The following RABL3 variants were observed in gnomAD, a reference collection of about 807,000 sequenced individuals.
RABL3 encodes RAB, member of RAS oncogene family like 3.
In RABL3, 31 loss-of-function variants were observed where a neutral mutation model predicts 31.8. That is an observed-to-expected ratio of 0.97 (90% CI 0.73 to 1.31). RABL3 has a LOEUF of 1.31. Among genes scored for constraint, RABL3 ranks in the 40% most tolerant of loss-of-function variants. The pLI is 0.00. For synonymous variants in RABL3, 97 were observed against 99.9 expected (o/e 0.97, Z 0.18); for missense variants, 263 against 279.6 (o/e 0.94, Z 0.42).
chr3:120,711,300 G>T (rs1357093529), intron 2 of RABL3, among the ~76,000 whole-genome samples: 6 of 152,016 alleles, frequency 3.9e-5, no homozygotes, highest in Admixed American at 3.9e-4. Context: ...ACTGATCCTT[G>T]ACTCCTTTCA....
Position 120,689,802 on chromosome 3 carries a change from C to A in RABL3, c.*21G>T, listed in dbSNP as rs927068052. On this transcript the variant is annotated 3_prime_UTR_variant, in exon 8 of 8. Transcript: ENST00000273375. ...GAAAAACTGCCACTGCTTGCTCACT[C>A]TTCCAAAGGATGAGTGTAATTCAGT... 2 of 1,577,480 alleles carry A rather than the reference C, an allele frequency of 1.3e-6. No homozygotes were observed. The highest frequency in any genetic ancestry group is 1.7e-6 in the Non-Finnish European group (2 of 1,147,666).
At chr3:120,715,442 G>T (rs953118722) in intron 2 of RABL3, among the ~76,000 whole-genome samples, 1 of 152,104 alleles carries the variant, frequency 6.6e-6, no homozygotes, top group Admixed American at 6.6e-5. Context: ...GGAGGCTGAG[G>T]CACAAGAATT....
intron 5 of RABL3, 31 bp downstream of exon 5, chr3:120,698,392 A>T: frequency 6.3e-7 from 1 of 1,588,158 alleles, no homozygotes; most frequent in East Asian, 2.2e-5. Context: ...ACCCGATAAT[A>T]ATACAAGCAT....
At chr3:120,701,480 T>C (rs1708490605) in intron 4 of RABL3, among the ~76,000 whole-genome samples, 1 of 152,184 alleles carries the variant, frequency 6.6e-6, no homozygotes, top group African/African-American at 2.4e-5. Flanking sequence ...CTGACAAAAA[T>C]GCAGATTTCT....
chr3:120,719,266 G>A (rs951291307), intron 2 of RABL3, among the ~76,000 whole-genome samples: 1 of 152,218 alleles, frequency 6.6e-6, no homozygotes, highest in African/African-American at 2.4e-5. Context: ...ACAGCTCCCA[G>A]CGTGAGCGAC....
intron 2 of RABL3, among the ~76,000 whole-genome samples, chr3:120,715,793 C>T (rs997510286): frequency 2.6e-5 from 4 of 151,750 alleles, no homozygotes; most frequent in African/African-American, 9.7e-5. Flanking sequence ...TGATCAGGAG[C>T]ACAGGTTCTT....
intron 3 of RABL3, among the ~76,000 whole-genome samples, chr3:120,708,889 C>A (rs980557442): frequency 6.6e-6 from 1 of 151,986 alleles, no homozygotes; most frequent in Non-Finnish European, 1.5e-5. Context: ...AAAGAACCTT[C>A]TCTACATCTT....
chr3:120,724,330 C>A (rs1170959220), intron 2 of RABL3, among the ~76,000 whole-genome samples: 4 of 152,226 alleles, frequency 2.6e-5, no homozygotes, highest in African/African-American at 7.2e-5. Context: ...ACATTCCATG[C>A]TCATGGGTAG....
chr3:120,698,656 C>T (rs1300521999), intron 4 of RABL3, 83 bp from the exon 5 acceptor site: 2 of 1,173,214 alleles, frequency 1.7e-6, no homozygotes, highest in African/African-American at 1.6e-5. Context: ...CTAAGTTACA[C>T]TATTTTACTG....
At chr3:120,700,623 A>T (rs1708482430) in intron 4 of RABL3, among the ~76,000 whole-genome samples, 1 of 152,124 alleles carries the variant, frequency 6.6e-6, no homozygotes, top group Non-Finnish European at 1.5e-5. Flanking sequence ...AAGAATTATT[A>T]TTAAAGTTTT....
rs745626997 is a variant in RABL3, at chr3:120,728,936, T to C, written c.138+1760A>G. Among the ~76,000 whole-genome samples, 9 of 152,142 alleles carry C rather than the reference T, an allele frequency of 5.9e-5. No individual in the cohort carries two copies. In the East Asian group the frequency reaches 7.7e-4, roughly 13 times the overall value. ...GTGGGAACTGACATAGATTCAGATA[T>C]AGCTTCAGGGGTTGGTGCCTGGAGT... On this transcript the variant is annotated intron_variant, in intron 2 of 7. Transcript: ENST00000273375.
At chr3:120,690,282 C>T (rs1159734207) in intron 7 of RABL3, among the ~76,000 whole-genome samples, 167 bp downstream of exon 7, 4 of 151,976 alleles carry the variant, frequency 2.6e-5, no homozygotes, top group Non-Finnish European at 5.9e-5. Flanking sequence ...TCCTTATTTT[C>T]CCTTTGTTCT....
chr3:120,741,112 G>C (rs1216655524), intron 1 of RABL3, among the ~76,000 whole-genome samples: 1 of 152,230 alleles, frequency 6.6e-6, no homozygotes. Flanking sequence ...GTATCATGAA[G>C]AAGTCTGTTA....
Position 120,709,855 on chromosome 3 carries a change from A to C in RABL3, c.193T>G (p.Trp65Gly). The stretch of plus-strand genomic sequence containing the variant: ...CTGCCCACAGAGCCTCCAACATCCC[A>C]TAATTCTATGTAGTAGGTCTTCTCT... The part of the protein sequence containing the change: ...PEEKTYYIEL[W>G]DVGGSVGSAS... The change falls in exon 3 of 8, where the codon TGG becomes GGG. Residue 65 changes from tryptophan (W) to glycine (G), a missense_variant. Transcript: ENST00000273375. The C allele has an allele frequency of 6.2e-7, 1 of 1,611,470 alleles. No homozygotes were observed. The highest frequency in any genetic ancestry group is 8.5e-7 in the Non-Finnish European group (1 of 1,177,714).
chr3:120,717,259 CA>C (rs1176942432), intron 2 of RABL3, among the ~76,000 whole-genome samples: 1 of 88,604 alleles, frequency 1.1e-5, no homozygotes, highest in Non-Finnish European at 2.3e-5. Flanking sequence ...AACTCCATCT[CA>C]AAAAAAACAA....
intron 4 of RABL3, among the ~76,000 whole-genome samples, chr3:120,700,678 GT>G (rs1236721780): frequency 6.6e-6 from 1 of 151,974 alleles, no homozygotes; most frequent in Non-Finnish European, 1.5e-5. Flanking sequence ...AAGCCCTTAT[GT>G]TTTAAAGTAT....
rs1576328223 is a variant in RABL3, at chr3:120,689,721, G to C, written c.*102C>G. On this transcript the variant is annotated 3_prime_UTR_variant, in exon 8 of 8. Transcript: ENST00000273375. ...GTAAGGCTGAAGGGTAGCATTTTAA[G>C]ATGATTTTGTTAAAAGGCTGTGATG... 2.4e-6 allele frequency: 2 copies of C among 821,516 alleles called. No individual in the cohort carries two copies. Among genetic ancestry groups the C allele is most frequent in the Non-Finnish European group, 4.1e-6 (2 of 486,246 alleles). The allele number at this position is 821,516 out of a possible 1,614,324, so 50.9% of individuals were successfully genotyped here. A position where few individuals can be genotyped will look rare whatever the true frequency, so the allele number is the denominator to read the frequency against.
intron 1 of RABL3, among the ~76,000 whole-genome samples, chr3:120,737,671 T>G (rs1033227186): frequency 5.9e-5 from 9 of 152,236 alleles, no homozygotes; most frequent in African/African-American, 1.7e-4. Flanking sequence ...CCTTTGGTCT[T>G]TGATGATGGA....
intron 1 of RABL3, among the ~76,000 whole-genome samples, chr3:120,731,321 G>GATTC (rs1559822878): frequency 6.6e-6 from 1 of 152,096 alleles, no homozygotes. Flanking sequence ...CAGTGAGAGG[G>GATTC]ATTCACCATT....
Sources: gnomAD v4.1 joint callset for allele counts (sites outside exome capture counted in the v4.1 genomes callset) on GRCh38, gnomAD v4.1.1 for gene constraint, MANE v1.5 for transcripts, NCBI Gene and HGNC (gene_info 2026-07-23, HGNC 2026-07-21) for gene names.